Variants in MLLT10 observed in about 807,000 individuals in gnomAD.
MLLT10 encodes MLLT10 histone lysine methyltransferase DOT1L cofactor.
MLLT10 carries 30 observed loss-of-function variants against 129.1 expected under a neutral mutation model. The ratio of observed to expected loss-of-function variants is 0.23; its 90% CI spans 0.17 to 0.32. The LOEUF (loss-of-function observed/expected upper bound fraction) is 0.32, where lower values mean the gene tolerates loss of function less well. MLLT10 is among the 10% of genes least tolerant of loss of function. The pLI is 1.00. For synonymous variants in MLLT10, 490 were observed against 446.4 expected, an observed-to-expected ratio of 1.10 and a Z score of -1.23; for missense variants, 1,119 against 1,268.3, an observed-to-expected ratio of 0.88 and a Z score of 1.79.
chr10:21,734,353 T>C (rs189718137), intron 20 of MLLT10, among the ~76,000 whole-genome samples: 2 of 152,338 alleles, frequency 1.3e-5, no homozygotes, highest in Admixed American at 6.5e-5. Flanking sequence ...TGCTGAAAAT[T>C]AGTCTTAATC....
rs1346483918 is a variant in MLLT10 at position 21,586,684 on chromosome 10, C to T, written c.295+336C>T. Among the ~76,000 whole-genome samples the T allele has an allele frequency of 2.6e-5, 4 of 151,952 alleles. No homozygotes were observed. The East Asian group carries it at 5.8e-4, about 22-fold the overall frequency. ...AGGTGGATCACCTGAGGTCAGGAGT[C>T]GAGACCAGCCTGGCCAACATAGTGA... is the stretch of plus-strand genomic sequence containing the variant. On this transcript the variant is annotated intron_variant, in intron 4 of 22. Coordinates refer to ENST00000307729, the MANE Select transcript of MLLT10 (RefSeq NM_001195626.3).
At chr10:21,637,960 C>T (rs2047613997) in intron 8 of MLLT10, among the ~76,000 whole-genome samples, 1 of 152,132 alleles carries the variant, frequency 6.6e-6, no homozygotes, top group South Asian at 2.1e-4. Flanking sequence ...CTTCCTACCC[C>T]TGGTACCTTT....
At chr10:21,653,629 CT>C (rs1227608475) in intron 9 of MLLT10, among the ~76,000 whole-genome samples, 2 of 152,146 alleles carry the variant, frequency 1.3e-5, no homozygotes, top group African/African-American at 4.8e-5. Context: ...TGCAAAGCCC[CT>C]TTTGCCATGT....
intron 3 of MLLT10, among the ~76,000 whole-genome samples, chr10:21,574,704 G>T (rs1235283129): frequency 6.6e-6 from 1 of 152,162 alleles, no homozygotes; most frequent in East Asian, 1.9e-4. Context: ...AGACTATATA[G>T]GGTAACTTCC....
chr10:21,639,536 A>G (rs2047785121), intron 8 of MLLT10, among the ~76,000 whole-genome samples: 1 of 152,190 alleles, frequency 6.6e-6, no homozygotes, highest in African/African-American at 2.4e-5. Context: ...AGAGATGAAT[A>G]GTGTGAAGTA....
chr10:21,625,173 C>A, intron 8 of MLLT10: 1 of 1,436,582 alleles, frequency 7.0e-7, no homozygotes, highest in Non-Finnish European at 9.8e-7. Context: ...TGATAATCTT[C>A]ATATGCAGTG....
At chr10:21,737,962 T>C (rs1002346162) in intron 21 of MLLT10, among the ~76,000 whole-genome samples, 6 of 152,150 alleles carry the variant, frequency 3.9e-5, no homozygotes, top group African/African-American at 1.4e-4. Flanking sequence ...ACACTGCATG[T>C]AAGTGTATAT....
At chr10:21,715,337 G>T (rs900368698) in intron 14 of MLLT10, among the ~76,000 whole-genome samples, 2 of 152,176 alleles carry the variant, frequency 1.3e-5, no homozygotes, top group Non-Finnish European at 2.9e-5. Context: ...AGATGAAAGT[G>T]AACTATTTGG....
intron 3 of MLLT10, among the ~76,000 whole-genome samples, chr10:21,547,367 T>C (rs1050792162): frequency 1.1e-4 from 17 of 151,688 alleles, no homozygotes; most frequent in Non-Finnish European, 1.9e-4. Context: ...CCTCGCACAA[T>C]CTATGTTATT....
Position 21,673,706 on chromosome 10 carries a change from G to A in MLLT10, c.1408G>A (p.Gly470Arg). 6.2e-7 allele frequency: 1 copy of A among 1,614,042 alleles called. No individual in the cohort carries two copies. Among genetic ancestry groups the A allele is most frequent in the Non-Finnish European group, 8.5e-7 (1 of 1,179,998 alleles). The change falls in exon 11 of 23, where the codon GGA becomes AGA. Residue 470 changes from glycine (G) to arginine (R), a missense_variant. Physicochemically the swap from Gly to Arg is moderately radical, Grantham distance 125. Transcript: ENST00000307729. ...EETVKEKKRKGNKQSKHGPGR... is the reference protein window; with the variant it reads ...EETVKEKKRKRNKQSKHGPGR... Reference sequence around the variant, plus strand: ...AACTGTAAAGGAAAAGAAAAGGAAAGGAAATAAACAAAGTAAGCATGGGCC... The same window carrying A: ...AACTGTAAAGGAAAAGAAAAGGAAAAGAAATAAACAAAGTAAGCATGGGCC...
Position 21,624,784 on chromosome 10 carries a change from A to T in MLLT10, c.699+7577A>T, listed in dbSNP as rs193285918. 1.2e-5 allele frequency: 13 copies of T among 1,094,262 alleles called. No individual in the cohort carries two copies. In the African/African-American group the frequency reaches 1.4e-4, roughly 12 times the overall value. 67.8% of individuals were successfully genotyped at this position (1,094,262 alleles called of 1,614,324 possible). On this transcript the variant is annotated intron_variant, in intron 8 of 22. Coordinates refer to ENST00000307729, the MANE Select transcript of MLLT10 (RefSeq NM_001195626.3). ...AAGCATCTGCCTTCTCTTGCGTCCT[A>T]CATTGTCCCCTGATTGCCCTGAGAT...
At position 21,681,368 on chromosome 10, in the gene MLLT10, C is replaced by T. The variant is rs2052719529; in HGVS notation, c.1658C>T (p.Pro553Leu). The T allele has an allele frequency of 6.2e-7, 1 of 1,610,726 alleles. No homozygotes were observed. The highest frequency in any genetic ancestry group is 8.5e-7 in the Non-Finnish European group (1 of 1,178,228). The change falls in exon 12 of 23, where the codon CCA becomes CTA. Residue 553 changes from proline (P) to leucine (L), a missense_variant. By Grantham distance (98) the Pro-to-Leu change is moderately conservative (BLOSUM62 -3). This residue lies in a region of MLLT10 where 1,004 missense variants were observed against 1,008.7 expected (regional missense o/e 1.00). Coordinates refer to ENST00000307729, the MANE Select transcript of MLLT10 (RefSeq NM_001195626.3). ...SMQYRHDGAC[P>L]TTTFSELLNA... ...CAGTATCGGCATGATGGAGCTTGCC[C>T]AACAACTAGTAAGTTGTCAAACTGG...
intron 8 of MLLT10, among the ~76,000 whole-genome samples, chr10:21,637,833 C>T (rs1221957475): frequency 6.6e-6 from 1 of 152,210 alleles, no homozygotes; most frequent in Non-Finnish European, 1.5e-5. Context: ...TCTGTAACAG[C>T]TGGGGCTATA....
chr10:21,581,978 G>A (rs1275156730), intron 3 of MLLT10, among the ~76,000 whole-genome samples: 2 of 152,096 alleles, frequency 1.3e-5, no homozygotes, highest in Non-Finnish European at 2.9e-5. Context: ...ACATCATTAC[G>A]TCACTAGGCA....
chr10:21,702,007 A>C (rs1444947296), intron 13 of MLLT10, among the ~76,000 whole-genome samples: 3 of 151,110 alleles, frequency 2.0e-5, no homozygotes. Context: ...GCTCATGGCA[A>C]CCTCCACTTC....
At chr10:21,709,540 T>C (rs1044888929) in intron 13 of MLLT10, among the ~76,000 whole-genome samples, 5 of 152,256 alleles carry the variant, frequency 3.3e-5, no homozygotes, top group African/African-American at 4.8e-5. Context: ...TGCAGTATTT[T>C]ATTTTCTAAG....
intron 13 of MLLT10, among the ~76,000 whole-genome samples, chr10:21,705,470 C>T (rs1409874014): frequency 6.6e-6 from 1 of 152,124 alleles, no homozygotes; most frequent in Admixed American, 6.5e-5. Context: ...TAGGCAGGGG[C>T]AGGGTGATCC....
At chr10:21,699,684 TAAA>T (rs566165311) in intron 13 of MLLT10, among the ~76,000 whole-genome samples, 2 of 141,484 alleles carry the variant, frequency 1.4e-5, no homozygotes, top group African/African-American at 2.6e-5. Context: ...CAGTTGGCTG[TAAA>T]AAAAAAAAAA....
At chr10:21,721,390 A>G (rs1274631097) in intron 14 of MLLT10, among the ~76,000 whole-genome samples, 1 of 152,182 alleles carries the variant, frequency 6.6e-6, no homozygotes, top group Non-Finnish European at 1.5e-5. Flanking sequence ...CAGGAAAAAA[A>G]TCTACCAAAA....
Sources: gnomAD v4.1 joint callset for allele counts (sites outside exome capture counted in the v4.1 genomes callset) on GRCh38, gnomAD v4.1.1 for gene constraint, gnomAD v4.1.1 regional missense constraint, MANE v1.5 for transcripts, NCBI Gene and HGNC (gene_info 2026-07-23, HGNC 2026-07-21) for gene names.